The following LDHC variants were observed in gnomAD, a reference collection of about 807,000 sequenced individuals.
LDHC encodes the protein lactate dehydrogenase C.
A neutral mutation model predicts 30.2 loss-of-function variants in LDHC; 20 were observed. That is an observed-to-expected ratio of 0.66 (90% confidence interval 0.47 to 0.96). The LOEUF is 0.96. Among genes scored for constraint, LDHC ranks in the 40% least tolerant of loss-of-function variants. The pLI is 0.00. For missense variants in LDHC, 362 were observed against 394.9 expected (o/e 0.92, Z 0.71); for synonymous variants, 139 against 132.7 (o/e 1.05, Z -0.32).
chr11:18,441,895 G>T (rs1848472675), intron 6 of LDHC, among the ~76,000 whole-genome samples: 1 of 152,074 alleles, frequency 6.6e-6, no homozygotes. Flanking sequence ...GACAGAGGGA[G>T]ACTCCGTCTA....
chr11:18,421,790 T>G (rs1475628926), intron 3 of LDHC, among the ~76,000 whole-genome samples: 2 of 152,144 alleles, frequency 1.3e-5, no homozygotes, highest in Admixed American at 6.6e-5. Flanking sequence ...TGACATGATC[T>G]AACTTCTGTG....
chr11:18,420,165 G>A (rs561438041), intron 3 of LDHC, among the ~76,000 whole-genome samples: 8 of 152,160 alleles, frequency 5.3e-5, no homozygotes, highest in African/African-American at 1.9e-4. Context: ...GAGAGAAGTG[G>A]CAAATCTAAG....
At chr11:18,443,411 C>A (rs1255403221) in intron 6 of LDHC, among the ~76,000 whole-genome samples, 1 of 151,788 alleles carries the variant, frequency 6.6e-6, no homozygotes, top group African/African-American at 2.4e-5. Context: ...TCTACCCAGT[C>A]ACTAATAATT....
rs564046212 is a variant in LDHC, at chr11:18,419,289, G to A, written c.244+3988G>A. Among the ~76,000 whole-genome samples, 9 of 152,332 alleles carry A rather than the reference G, an allele frequency of 5.9e-5. No homozygotes were observed. The East Asian group carries it at 1.7e-3, about 29-fold the overall frequency. ...CTCTATTTACCAAACACAGGTGGTAGACCAGATATCGCTTGTCTGCCAACA... is the reference window on the plus strand; with the variant it reads ...CTCTATTTACCAAACACAGGTGGTAAACCAGATATCGCTTGTCTGCCAACA... On this transcript the variant is annotated intron_variant, in intron 3 of 7. Transcript: ENST00000541669.
intron 5 of LDHC, among the ~76,000 whole-genome samples, chr11:18,438,264 T>C (rs144767759): frequency 1.4e-4 from 21 of 152,174 alleles, no homozygotes; most frequent in Non-Finnish European, 2.2e-4. Flanking sequence ...CCATATACTT[T>C]TAAACAACCA....
chr11:18,423,823 A>G (rs1429081263), intron 3 of LDHC, among the ~76,000 whole-genome samples: 1 of 152,212 alleles, frequency 6.6e-6, no homozygotes, highest in Admixed American at 6.6e-5. Flanking sequence ...CAGAATAAAA[A>G]TACTTGTATT....
chr11:18,430,018 C>T (rs1018614195), intron 4 of LDHC, 108 bp downstream of exon 4: 3 of 658,000 alleles, frequency 4.6e-6, no homozygotes, highest in East Asian at 2.6e-5. Context: ...AAATTGCACT[C>T]GTTTAAAGTA....
intron 4 of LDHC, among the ~76,000 whole-genome samples, chr11:18,431,670 A>G (rs1259302074): frequency 6.6e-6 from 1 of 151,800 alleles, no homozygotes; most frequent in Non-Finnish European, 1.5e-5. Flanking sequence ...TCAGCCTCCC[A>G]TGTTGCTGGG....
At chr11:18,448,574 C>T (rs1379915700) in intron 7 of LDHC, among the ~76,000 whole-genome samples, 2 of 152,160 alleles carry the variant, frequency 1.3e-5, no homozygotes, top group Non-Finnish European at 2.9e-5. Context: ...TGAGCCACCG[C>T]GCCCTGCTGA....
At chr11:18,426,648 C>A (rs1389801552) in intron 3 of LDHC, among the ~76,000 whole-genome samples, 2 of 151,574 alleles carry the variant, frequency 1.3e-5, no homozygotes, top group Non-Finnish European at 2.9e-5. Flanking sequence ...TAAGACATAA[C>A]CATGAGAAGA....
At chr11:18,425,189 T>G (rs1028270167) in intron 3 of LDHC, among the ~76,000 whole-genome samples, 3 of 150,164 alleles carry the variant, frequency 2.0e-5, no homozygotes, top group African/African-American at 7.4e-5. Context: ...TTTTTTTTTT[T>G]GTTTTGAAAA....
At chr11:18,434,453 A>G (rs1848322020) in intron 4 of LDHC, among the ~76,000 whole-genome samples, 1 of 152,140 alleles carries the variant, frequency 6.6e-6, no homozygotes, top group Non-Finnish European at 1.5e-5. Flanking sequence ...CTGGGAATGC[A>G]GGTGTGTGCC....
chr11:18,425,084 A>AT (rs759669773), intron 3 of LDHC, among the ~76,000 whole-genome samples: 9 of 152,240 alleles, frequency 5.9e-5, no homozygotes, highest in Non-Finnish European at 8.8e-5. Flanking sequence ...AAGTAATGTG[A>AT]TTTTTTGCCA....
intron 5 of LDHC, among the ~76,000 whole-genome samples, chr11:18,437,779 A>G (rs1590232417): frequency 6.7e-6 from 1 of 150,174 alleles, no homozygotes; most frequent in Non-Finnish European, 1.5e-5. Context: ...AAAAAGAAAT[A>G]CCTGGCCAGG....
intron 4 of LDHC, among the ~76,000 whole-genome samples, chr11:18,432,281 C>G (rs1475193181): frequency 2.0e-5 from 3 of 152,084 alleles, no homozygotes; most frequent in Non-Finnish European, 4.4e-5. Flanking sequence ...TTTGAAGGTT[C>G]CTTTTGGAGT....
rs1866915398 is a variant in LDHC, at chr11:18,412,740, T to TA, written c.25dup (p.Ile9AsnfsTer2). The stretch of plus-strand genomic sequence containing the variant: ...CAAATGTCAACTGTCAAGGAGCAGC[T>TA]AATTGAGAAGCTAATTGAGGATGAT... On this transcript the variant is annotated frameshift_variant, in exon 2 of 8. Transcript: ENST00000541669. LOFTEE classifies it high-confidence loss of function. The TA allele has an allele frequency of 6.2e-7, 1 of 1,614,040 alleles. No individual in the cohort carries two copies. The highest frequency in any genetic ancestry group is 1.3e-5 in the African/African-American group (1 of 75,072).
intron 3 of LDHC, among the ~76,000 whole-genome samples, chr11:18,426,491 C>G (rs953699051): frequency 7.0e-6 from 1 of 143,866 alleles, no homozygotes; most frequent in East Asian, 2.0e-4. Context: ...CACGCCACTC[C>G]ACTCCAGCCT....
chr11:18,420,302 A>G (rs1203136015), intron 3 of LDHC, among the ~76,000 whole-genome samples: 1 of 152,232 alleles, frequency 6.6e-6, no homozygotes, highest in East Asian at 1.9e-4. Flanking sequence ...CAACCCACAG[A>G]TTTAAGAAGC....
At chr11:18,413,711 T>C (rs1329553211) in intron 2 of LDHC, among the ~76,000 whole-genome samples, 4 of 152,146 alleles carry the variant, frequency 2.6e-5, no homozygotes, top group African/African-American at 9.7e-5. Flanking sequence ...TCCGCCTGCC[T>C]CAGCCTCCCA....
Sources: gnomAD v4.1 joint callset for allele counts (sites outside exome capture counted in the v4.1 genomes callset) on GRCh38, gnomAD v4.1.1 for gene constraint, MANE v1.5 for transcripts, NCBI Gene and HGNC (gene_info 2026-07-23, HGNC 2026-07-21) for gene names.